KIF13B: variants seen among roughly 807,000 people sequenced by gnomAD.
KIF13B encodes the protein kinesin-like protein KIF13B.
A neutral mutation model predicts 222.0 loss-of-function variants in KIF13B; 127 were observed. That is an observed-to-expected ratio of 0.57 (90% CI 0.50 to 0.66). The LOEUF (loss-of-function observed/expected upper bound fraction) is 0.66, where lower values mean the gene tolerates loss of function less well. Among genes scored for constraint, KIF13B ranks in the 30% least tolerant of loss-of-function variants. KIF13B has a pLI of 0.00. For missense variants in KIF13B, 2,173 were observed against 2,379.0 expected (o/e 0.91, Z 1.80); for synonymous variants, 976 against 919.0 (o/e 1.06, Z -1.12).
intron 12 of KIF13B, among the ~76,000 whole-genome samples, chr8:29,161,254 T>A (rs1052486603): frequency 1.3e-5 from 2 of 152,194 alleles, no homozygotes; most frequent in African/African-American, 4.8e-5. Flanking sequence ...CTGCTTGACA[T>A]CTTCAGTGAC....
intron 1 of KIF13B, among the ~76,000 whole-genome samples, chr8:29,251,920 T>C (rs1459858167): frequency 1.3e-5 from 2 of 152,086 alleles, no homozygotes; most frequent in East Asian, 1.9e-4. Context: ...CTTAAAGTAG[T>C]ACTGTAAGTT....
At chr8:29,189,667 C>T (rs1226391191) in intron 4 of KIF13B, 2 of 152,390 alleles carry the variant, frequency 1.3e-5, no homozygotes, top group African/African-American at 2.4e-5. Context: ...GGCGCAGGGG[C>T]GGTAAGAAGC....
intron 28 of KIF13B, 81 bp downstream of exon 28, chr8:29,123,285 G>A (rs182894878): frequency 5.5e-5 from 84 of 1,523,390 alleles, no homozygotes; most frequent in Non-Finnish European, 6.4e-5. Context: ...TCCATTAACC[G>A]TAGCACACGC....
intron 21 of KIF13B, among the ~76,000 whole-genome samples, chr8:29,134,593 G>A (rs958554022): frequency 4.6e-5 from 7 of 152,188 alleles, no homozygotes; most frequent in African/African-American, 1.7e-4. Flanking sequence ...AACAGAACAA[G>A]GTTGTCAGGC....
chr8:29,186,229 T>C (rs1812920926), intron 6 of KIF13B, 63 bp downstream of exon 6: 12 of 1,328,080 alleles, frequency 9.0e-6, no homozygotes, highest in Non-Finnish European at 1.3e-5. Context: ...GATTTGCACT[T>C]AAGCCAATTT....
At chr8:29,202,171 G>A (rs1282586379) in intron 2 of KIF13B, among the ~76,000 whole-genome samples, 1 of 152,208 alleles carries the variant, frequency 6.6e-6, no homozygotes, top group Non-Finnish European at 1.5e-5. Flanking sequence ...TGTAGCTGGA[G>A]CGGGTAAGAT....
intron 13 of KIF13B, among the ~76,000 whole-genome samples, chr8:29,158,609 T>C (rs1455911868): frequency 4.6e-5 from 7 of 152,218 alleles, no homozygotes; most frequent in East Asian, 1.9e-4. Flanking sequence ...AAATTGACTT[T>C]TGAATTGGAA....
At position 29,071,948 on chromosome 8, in the gene KIF13B, G is replaced by T; in HGVS notation, c.4890C>A (p.Pro1630=). The change falls in exon 39 of 40, where the codon CCC becomes CCA. Residue 1630 remains proline (P), a synonymous_variant. Transcript: ENST00000524189. The surrounding 1 kb of genome is among the most constrained non-coding windows in gnomAD (Gnocchi z 4.9). The stretch of plus-strand genomic sequence containing the variant: ...CCTCGAGGTCGGGGCGCTCCCGACC[G>T]GGGCTCACGAGCTGCTGGGGGCCAG... ...EPPGPQQLVS[P]GRERPDLEAP... 1 of 1,368,392 alleles carries T rather than the reference G, an allele frequency of 7.3e-7. No homozygotes were observed. 84.8% of individuals were successfully genotyped at this position (1,368,392 alleles called of 1,614,324 possible).
Position 29,244,022 on chromosome 8 carries a change from C to CT in KIF13B, c.149+1323dup, listed in dbSNP as rs532295181. Among the ~76,000 whole-genome samples the CT allele has an allele frequency of 2.6e-3, 392 of 151,140 alleles. 1 individual carries two copies. Among genetic ancestry groups the CT allele is most frequent in the Non-Finnish European group, 4.3e-3 (288 of 67,706 alleles). On this transcript the variant is annotated intron_variant, in intron 2 of 39. Transcript: ENST00000524189. ...TCCAAATCCAGGGCTCTTTTCTTTT[C>CT]TTTTTTTTTGAGACGGAGTCTCGCT...
chr8:29,195,202 C>T (rs1219744500), intron 3 of KIF13B, among the ~76,000 whole-genome samples: 1 of 152,094 alleles, frequency 6.6e-6, no homozygotes, highest in Non-Finnish European at 1.5e-5. Context: ...GAGCCAAGAT[C>T]ACGCCACCGC....
intron 2 of KIF13B, among the ~76,000 whole-genome samples, chr8:29,234,679 C>T (rs1258223267): frequency 7.4e-6 from 1 of 135,468 alleles, no homozygotes; most frequent in African/African-American, 2.8e-5. Context: ...CATTTTACCA[C>T]CAAAGGAAAA....
chr8:29,153,687 A>AG (rs1365358510), intron 14 of KIF13B, among the ~76,000 whole-genome samples: 2 of 151,734 alleles, frequency 1.3e-5, no homozygotes. Flanking sequence ...TGCCAAAAAA[A>AG]AAAAAAGAAA....
chr8:29,191,100 A>G (rs559907561), intron 3 of KIF13B, 43 bp from the exon 4 acceptor site: 17 of 1,431,552 alleles, frequency 1.2e-5, no homozygotes, highest in Non-Finnish European at 1.6e-5. Flanking sequence ...AAACCTCAAC[A>G]TTACTTATAA....
intron 18 of KIF13B, among the ~76,000 whole-genome samples, chr8:29,145,342 C>A (rs2129972282): frequency 6.6e-6 from 1 of 152,242 alleles, no homozygotes; most frequent in African/African-American, 2.4e-5. Flanking sequence ...AAGATGTAAT[C>A]CTTGCTATCA....
chr8:29,130,201 T>G (rs1265991759), intron 24 of KIF13B, among the ~76,000 whole-genome samples: 1 of 152,188 alleles, frequency 6.6e-6, no homozygotes, highest in Non-Finnish European at 1.5e-5. Context: ...ACAGAACTGG[T>G]TTTTAAAATA....
At chr8:29,208,289 T>C (rs1444994918) in intron 2 of KIF13B, among the ~76,000 whole-genome samples, 1 of 152,224 alleles carries the variant, frequency 6.6e-6, no homozygotes, top group African/African-American at 2.4e-5. Context: ...TTTAAACATA[T>C]GTGCATATTA....
chr8:29,255,952 A>C (rs1190899886), intron 1 of KIF13B, among the ~76,000 whole-genome samples: 1 of 152,004 alleles, frequency 6.6e-6, no homozygotes, highest in Non-Finnish European at 1.5e-5. Context: ...TCACAGACAC[A>C]CCTGAGGTGC....
chr8:29,216,927 T>C (rs1814509326), intron 2 of KIF13B, among the ~76,000 whole-genome samples: 1 of 151,386 alleles, frequency 6.6e-6, no homozygotes, highest in Non-Finnish European at 1.5e-5. Flanking sequence ...TTTCTCCATA[T>C]CTGGGCCTGT....
intron 11 of KIF13B, 113 bp from the exon 12 acceptor site, chr8:29,165,885 G>A: frequency 1.7e-5 from 3 of 171,834 alleles, no homozygotes; most frequent in Non-Finnish European, 1.0e-5. Context: ...TGAATGTCAC[G>A]CTGAGGTCTG....
Sources: gnomAD v4.1 joint callset for allele counts (sites outside exome capture counted in the v4.1 genomes callset) on GRCh38, gnomAD v4.1.1 for gene constraint, Gnocchi (gnomAD v3.1) non-coding constraint, MANE v1.5 for transcripts, NCBI Gene and HGNC (gene_info 2026-07-23, HGNC 2026-07-21) for gene names.